The following P2RY8 variants were observed in gnomAD, a reference collection of about 807,000 sequenced individuals.
The protein encoded by P2RY8 is S-geranylgeranyl-glutathione receptor P2RY8.
A neutral mutation model predicts 10.0 loss-of-function variants in P2RY8; 6 were observed. The ratio of observed to expected loss-of-function variants is 0.60; its 90% CI spans 0.33 to 1.19. The LOEUF (loss-of-function observed/expected upper bound fraction) is 1.19, where lower values mean the gene tolerates loss of function less well. Among genes scored for constraint, P2RY8 ranks in the 50% most tolerant of loss-of-function variants. The pLI, the probability that P2RY8 is intolerant of heterozygous loss-of-function variation, is 0.04. For missense variants in P2RY8, 456 were observed against 542.0 expected, an observed-to-expected ratio of 0.84 and a Z score of 1.58; for synonymous variants, 276 against 252.5, an observed-to-expected ratio of 1.09 and a Z score of -0.88.
rs2091646967 is a variant in P2RY8 at position 1,465,212 on chromosome X, G to A, written c.*267C>T. The stretch of plus-strand genomic sequence containing the variant: ...AGCTGTCCCCTGACACAGAGAGGCA[G>A]AGGCACCCTCTGCAGGATAACAAGC... On this transcript the variant is annotated 3_prime_UTR_variant, in exon 2 of 2. Coordinates refer to ENST00000381297, the MANE Select transcript of P2RY8 (RefSeq NM_178129.5). The A allele has an allele frequency of 1.9e-6, 1 of 535,286 alleles. No individual in the cohort carries two copies. The highest frequency in any genetic ancestry group is 3.2e-6 in the Non-Finnish European group (1 of 309,300). The allele number at this position is 535,286 out of a possible 1,614,324, so 33.2% of individuals were successfully genotyped here.
At chrX:1,521,558 T>C (rs768108336) in intron 1 of P2RY8, among the ~76,000 whole-genome samples, 1 of 152,250 alleles carries the variant, frequency 6.6e-6, no homozygotes, top group South Asian at 2.1e-4. Context: ...GCAGGAACCT[T>C]GGCATCAAAG....
intron 1 of P2RY8, among the ~76,000 whole-genome samples, chrX:1,516,513 A>G (rs2092351151): frequency 6.6e-6 from 1 of 151,450 alleles, no homozygotes; most frequent in Non-Finnish European, 1.5e-5. Context: ...ATGGACTAAG[A>G]GATCTCATAA....
chrX:1,489,691 TAG>T (rs2092024190), intron 1 of P2RY8, among the ~76,000 whole-genome samples: 1 of 150,148 alleles, frequency 6.7e-6, no homozygotes, highest in Non-Finnish European at 1.5e-5. Context: ...TCTGCAAATG[TAG>T]AGAGAATGAA....
intron 1 of P2RY8, among the ~76,000 whole-genome samples, chrX:1,522,046 G>A (rs1250132655): frequency 3.9e-5 from 5 of 128,780 alleles, no homozygotes; most frequent in East Asian, 2.6e-4. Flanking sequence ...TCCGCCTCCC[G>A]GGTTCAGGTG....
intron 1 of P2RY8, among the ~76,000 whole-genome samples, chrX:1,515,956 G>GGT (rs2092344407): frequency 9.3e-6 from 1 of 107,370 alleles, no homozygotes; most frequent in African/African-American, 3.0e-5. Flanking sequence ...TCGGGGGGTG[G>GGT]TGGATCACCT....
chrX:1,465,470 C>T lies in P2RY8; in HGVS notation c.*9G>A, dbSNP rs781618478. Reference sequence around the variant, plus strand: ...GCGCCCCCGGCTCTCCAAGCTGCGCCCCCGGGACTCAGAACACACTCTCCT... The same window carrying T: ...GCGCCCCCGGCTCTCCAAGCTGCGCTCCCGGGACTCAGAACACACTCTCCT... On this transcript the variant is annotated 3_prime_UTR_variant, in exon 2 of 2. Coordinates refer to ENST00000381297, the MANE Select transcript of P2RY8 (RefSeq NM_178129.5). 3.2e-5 allele frequency: 51 copies of T among 1,591,362 alleles called. No homozygotes were observed. In the East Asian group the frequency reaches 9.9e-4, roughly 31 times the overall value.
chrX:1,478,156 C>T (rs1304621662), intron 1 of P2RY8, among the ~76,000 whole-genome samples: 3 of 151,960 alleles, frequency 2.0e-5, no homozygotes, highest in Non-Finnish European at 4.4e-5. Context: ...TCATGTGGAA[C>T]CTTCCATTGG....
At chrX:1,523,938 G>A (rs1360645532) in intron 1 of P2RY8, among the ~76,000 whole-genome samples, 13 of 152,304 alleles carry the variant, frequency 8.5e-5, no homozygotes, top group Admixed American at 2.6e-4. Context: ...TGACCCACCT[G>A]CCTTGGCCTC....
intron 1 of P2RY8, among the ~76,000 whole-genome samples, chrX:1,533,696 A>G (rs1177714913): frequency 8.0e-6 from 1 of 125,592 alleles, no homozygotes; most frequent in Non-Finnish European, 1.5e-5. Flanking sequence ...TATTATTTAT[A>G]TATTATATAC....
chrX:1,532,331 TAC>T (rs201615438), intron 1 of P2RY8, among the ~76,000 whole-genome samples: 3,269 of 150,364 alleles, frequency 0.022, 148 homozygotes, highest in African/African-American at 0.077. Context: ...CACGTATATA[TAC>T]ACATATATGT....
At chrX:1,497,221 CAAAAAAAAAAAAA>C (rs555047911) in intron 1 of P2RY8, among the ~76,000 whole-genome samples, 1 of 84,528 alleles carries the variant, frequency 1.2e-5, no homozygotes, top group Admixed American at 1.4e-4. Context: ...GACTCCGTCT[CAAAAAAAAAAAAA>C]AAGAAAAGAA....
At chrX:1,522,903 T>C (rs750824945) in intron 1 of P2RY8, among the ~76,000 whole-genome samples, 2 of 151,518 alleles carry the variant, frequency 1.3e-5, no homozygotes, top group African/African-American at 4.8e-5. Context: ...ACCCCATCTC[T>C]ACTAAAAATA....
rs1420329780 is a variant in P2RY8, at chrX:1,515,948, G to A, written c.-25+20973C>T. 1.5e-4 allele frequency among the ~76,000 whole-genome samples: 17 copies of A among 109,800 alleles called. 2 individuals carry two copies. Among genetic ancestry groups the A allele is most frequent in the African/African-American group, 5.0e-4 (17 of 33,710 alleles). 72.0% of individuals were successfully genotyped at this position (109,800 alleles called of 152,430 possible). A position where few individuals can be genotyped will look rare whatever the true frequency, so the allele number is the denominator to read the frequency against. Reference sequence around the variant, plus strand: ...CAGCACTTTGGGAGGCCGAGGGGTCGGGGGGTGGTGGATCACCTGAGGTCA... The same window carrying A: ...CAGCACTTTGGGAGGCCGAGGGGTCAGGGGGTGGTGGATCACCTGAGGTCA... On this transcript the variant is annotated intron_variant, in intron 1 of 1. Transcript: ENST00000381297.
Position 1,512,414 on chromosome X carries a change from G to GCTCA in P2RY8, c.-25+24506_-25+24507insTGAG, listed in dbSNP as rs1267592521. 2.6e-5 allele frequency among the ~76,000 whole-genome samples: 4 copies of GCTCA among 152,136 alleles called. No individual in the cohort carries two copies. The South Asian group carries it at 8.3e-4, about 32-fold the overall frequency. ...ACACAAAAATTAGCCAGGCGTGGTG[G>GCTCA]TGGGTACCTGTCATCCCAGCTACTC... On this transcript the variant is annotated intron_variant, in intron 1 of 1. Coordinates refer to ENST00000381297, the MANE Select transcript of P2RY8 (RefSeq NM_178129.5).
At chrX:1,468,427 G>A (rs2091723336) in intron 1 of P2RY8, among the ~76,000 whole-genome samples, 1 of 152,172 alleles carries the variant, frequency 6.6e-6, no homozygotes, top group East Asian at 1.9e-4. Flanking sequence ...TGTGCCCTGT[G>A]GCCACCGGAC....
At chrX:1,482,796 A>T (rs1456293167) in intron 1 of P2RY8, among the ~76,000 whole-genome samples, 67 of 151,966 alleles carry the variant, frequency 4.4e-4, no homozygotes, top group Non-Finnish European at 7.9e-4. Context: ...CTTTGTAGGG[A>T]CATGGATGAA....
Position 1,464,247 on chromosome X carries a change from G to A in P2RY8, c.*1232C>T, listed in dbSNP as rs2091629400. 4 of 233,270 alleles carry A rather than the reference G, an allele frequency of 1.7e-5. No individual in the cohort carries two copies. The highest frequency in any genetic ancestry group is 3.4e-5 in the Non-Finnish European group (4 of 118,116). 14.5% of individuals were successfully genotyped at this position (233,270 alleles called of 1,614,324 possible). ...TCCACGTGATGTCCCAGCACCCCTGGAGAGTCAGAGCTCTTCTTTGCGCTA... is the reference window on the plus strand; with the variant it reads ...TCCACGTGATGTCCCAGCACCCCTGAAGAGTCAGAGCTCTTCTTTGCGCTA... On this transcript the variant is annotated 3_prime_UTR_variant, in exon 2 of 2. Transcript: ENST00000381297.
chrX:1,485,712 A>C (rs1237031123), intron 1 of P2RY8, among the ~76,000 whole-genome samples: 1 of 148,108 alleles, frequency 6.8e-6, no homozygotes, highest in Non-Finnish European at 1.5e-5. Flanking sequence ...AACATGTTAT[A>C]TTGTATGTAT....
Position 1,465,103 on chromosome X carries a change from G to C in P2RY8, c.*376C>G, listed in dbSNP as rs1416663960. 4 of 334,686 alleles carry C rather than the reference G, an allele frequency of 1.2e-5. No individual in the cohort carries two copies. Among genetic ancestry groups the C allele is most frequent in the African/African-American group, 8.3e-5 (4 of 48,130 alleles). The allele number at this position is 334,686 out of a possible 1,614,324, so 20.7% of individuals were successfully genotyped here. A position where few individuals can be genotyped will look rare whatever the true frequency, so the allele number is the denominator to read the frequency against. ...AATATCCACCCTCGGGTATGGACAG[G>C]TGTGAGGAGTGTCTAAGGAGCTCGG... is the stretch of plus-strand genomic sequence containing the variant. On this transcript the variant is annotated 3_prime_UTR_variant, in exon 2 of 2. Transcript: ENST00000381297.
Sources: allele counts gnomAD v4.1 joint callset (sites outside exome capture counted in the v4.1 genomes callset), GRCh38; gene constraint gnomAD v4.1.1; transcripts MANE v1.5; gene names NCBI Gene and HGNC (gene_info 2026-07-23, HGNC 2026-07-21).